Variants in ADGRE2 observed in about 807,000 individuals in gnomAD.
ADGRE2 encodes the protein CD97 antigen.
ADGRE2 carries 83 observed loss-of-function variants against 100.8 expected under a neutral mutation model. The observed-to-expected ratio is 0.82, with a 90% confidence interval of 0.69 to 0.99. ADGRE2 has a LOEUF of 0.99. Ranked by LOEUF, ADGRE2 falls within the 50% of genes least tolerant of loss-of-function variation. The pLI, the probability that ADGRE2 is intolerant of heterozygous loss-of-function variation, is 0.00. For missense variants in ADGRE2, 814 were observed against 1,035.7 expected, an observed-to-expected ratio of 0.79 and a Z score of 2.94; for synonymous variants, 355 against 413.0, an observed-to-expected ratio of 0.86 and a Z score of 1.70.
intron 16 of ADGRE2, among the ~76,000 whole-genome samples, chr19:14,747,389 A>G (rs1285988093): frequency 6.6e-6 from 1 of 152,042 alleles, no homozygotes; most frequent in East Asian, 1.9e-4. Context: ...ATTCCCAGTT[A>G]CTTGGGAGAC....
rs1402803535 is a variant in ADGRE2, at chr19:14,743,490, T to A, written c.2393A>T (p.Lys798Ile). ...GTGCATCTCAGACTCAGTTTTCAATTTCCTGATCCCTTTGGACCATTTCCC... is the reference window on the plus strand; with the variant it reads ...GTGCATCTCAGACTCAGTTTTCAATATCCTGATCCCTTTGGACCATTTCCC... ...QYGKWSKGIRKLKTESEMHTL... is the reference protein window; with the variant it reads ...QYGKWSKGIRILKTESEMHTL... The change falls in exon 20 of 21, where the codon AAA (lysine) becomes ATA (isoleucine). Residue 798 changes from lysine (K) to isoleucine (I), a missense_variant. Around this residue, in one of 5 missense-constraint regions of ADGRE2, gnomAD observed 569 missense variants for 692.7 expected, o/e 0.82. Transcript: ENST00000315576. 6.2e-7 allele frequency: 1 copy of A among 1,614,100 alleles called. No homozygotes were observed. The highest frequency in any genetic ancestry group is 8.5e-7 in the Non-Finnish European group (1 of 1,179,982).
chr19:14,771,704 G>A (rs1189059080), intron 5 of ADGRE2, among the ~76,000 whole-genome samples: 9 of 151,582 alleles, frequency 5.9e-5, no homozygotes, highest in African/African-American at 1.7e-4. Context: ...GCAGTGGCAC[G>A]ATCTCCGCTC....
the ADGRE2 span, among the ~76,000 whole-genome samples, chr19:14,724,260 C>G: frequency 6.6e-6 from 1 of 152,198 alleles, no homozygotes; most frequent in African/African-American, 2.4e-5. Context: ...GAGAAATACA[C>G]ACACTTTAGA....
intron 16 of ADGRE2, among the ~76,000 whole-genome samples, chr19:14,749,536 G>GTTATGTAATTATTTATA (rs1568589558): frequency 2.3e-4 from 9 of 39,744 alleles, no homozygotes; most frequent in African/African-American, 1.1e-3. Context: ...AATTATTTAT[G>GTTATGTAATTATTTATA]GTTATATAAT....
rs1257068697 is a variant in ADGRE2 at position 14,735,743 on chromosome 19, T to C, written c.*493A>G. The C allele has an allele frequency of 1.3e-5, 2 of 152,688 alleles. No homozygotes were observed. Among genetic ancestry groups the C allele is most frequent in the Non-Finnish European group, 2.9e-5 (2 of 68,452 alleles). 9.5% of individuals were successfully genotyped at this position (152,688 alleles called of 1,614,324 possible). Reference sequence around the variant, plus strand: ...TTGATCTATGTGTGAGTAATCAATATTTTTCACATGACTAAATAATCAAAC... The same window carrying C: ...TTGATCTATGTGTGAGTAATCAATACTTTTCACATGACTAAATAATCAAAC... On this transcript the variant is annotated 3_prime_UTR_variant, in exon 21 of 21. Transcript: ENST00000315576.
intron 5 of ADGRE2, among the ~76,000 whole-genome samples, chr19:14,771,434 G>T (rs1229403580): frequency 6.6e-6 from 1 of 152,076 alleles, no homozygotes; most frequent in Non-Finnish European, 1.5e-5. Context: ...GTTCCCACTG[G>T]AAAGAAGGCA....
intron 5 of ADGRE2, 144 bp from the exon 6 acceptor site, chr19:14,767,253 TTTTG>T: frequency 7.0e-7 from 1 of 1,435,400 alleles, no homozygotes; most frequent in Non-Finnish European, 9.3e-7. Flanking sequence ...TTTTTTTTTT[TTTTG>T]AGACGGAGTC....
At chr19:14,731,080 C>A (rs1338326539), downstream of ADGRE2, 6 of 1,071,320 alleles carry the variant, frequency 5.6e-6, no homozygotes, top group East Asian at 1.0e-4. Flanking sequence ...TCAAGCACCG[C>A]CCCTCCTGCC....
chr19:14,727,229 C>T, the ADGRE2 span, among the ~76,000 whole-genome samples: 82 of 152,118 alleles, frequency 5.4e-4, no homozygotes, highest in Admixed American at 1.2e-3. Flanking sequence ...AGGGTTTCAC[C>T]GTGCTAGCCA....
chr19:14,764,878 G>A (rs1010262440), intron 10 of ADGRE2, among the ~76,000 whole-genome samples: 1 of 152,176 alleles, frequency 6.6e-6, no homozygotes, highest in Non-Finnish European at 1.5e-5. Context: ...TTAGCCGGGC[G>A]TGGTGGCGTG....
downstream of ADGRE2, among the ~76,000 whole-genome samples, chr19:14,729,339 A>G (rs564604356): frequency 1.1e-3 from 173 of 151,748 alleles, 1 homozygote; most frequent in Non-Finnish European, 2.2e-3. Flanking sequence ...TGGGTTGGGG[A>G]GATGTTGGTC....
At chr19:14,728,642 G>C (rs980092067), downstream of ADGRE2, among the ~76,000 whole-genome samples, 1 of 152,166 alleles carries the variant, frequency 6.6e-6, no homozygotes, top group African/African-American at 2.4e-5. Flanking sequence ...GACCTATGAC[G>C]ACAATGGAAA....
chr19:14,746,453 ACCTCTG>A (rs758315581), intron 17 of ADGRE2, 130 bp from the exon 18 acceptor site: 10 of 601,750 alleles, frequency 1.7e-5, no homozygotes, highest in Admixed American at 3.0e-5. Flanking sequence ...GCTCACTGCC[ACCTCTG>A]CCTCCCGGGT....
intron 16 of ADGRE2, among the ~76,000 whole-genome samples, chr19:14,749,715 TATAGCTATGTTATGTAATTATTC>T (rs879352949): frequency 0.018 from 2,459 of 137,584 alleles, 1 homozygote; most frequent in Middle Eastern, 0.037. Context: ...CATAATTATT[TATAGCTATGTTATGTAATTATTC>T]ATAGTTACAT....
chr19:14,740,103 TAAA>T (rs398120849), intron 20 of ADGRE2, among the ~76,000 whole-genome samples: 1 of 75,756 alleles, frequency 1.3e-5, no homozygotes, highest in African/African-American at 3.4e-5. Flanking sequence ...AGACTCTGTC[TAAA>T]AAAAAAAAAA....
intron 16 of ADGRE2, among the ~76,000 whole-genome samples, chr19:14,748,396 C>T (rs1239541089): frequency 6.6e-6 from 1 of 152,138 alleles, no homozygotes; most frequent in Non-Finnish European, 1.5e-5. Flanking sequence ...GCAAACTCCA[C>T]CTCCCAGGTT....
chr19:14,766,902 G>A (rs868559286), intron 6 of ADGRE2, 76 bp downstream of exon 6: 17 of 1,534,002 alleles, frequency 1.1e-5, no homozygotes, highest in East Asian at 2.3e-5. Flanking sequence ...CCTCCTCCTC[G>A]GCTGCTTTGG....
At chr19:14,776,587 G>T in intron 2 of ADGRE2, 139 bp downstream of exon 2, 2 of 995,534 alleles carry the variant, frequency 2.0e-6, no homozygotes, top group Non-Finnish European at 3.0e-6. Context: ...GTGTGCCCGT[G>T]AGTGCCTGCT....
intron 11 of ADGRE2, 25 bp downstream of exon 11, chr19:14,764,408 G>A (rs1209771053): frequency 6.2e-7 from 1 of 1,610,014 alleles, no homozygotes. Flanking sequence ...CAGAGCTGGA[G>A]TCTGGGGCAG....
Sources: gnomAD v4.1 joint callset for allele counts (sites outside exome capture counted in the v4.1 genomes callset) on GRCh38, gnomAD v4.1.1 for gene constraint, gnomAD v4.1.1 regional missense constraint, MANE v1.5 for transcripts, NCBI Gene and HGNC (gene_info 2026-07-23, HGNC 2026-07-21) for gene names.